Variants in FANCC observed in about 807,000 individuals in gnomAD.
FANCC encodes the protein Fanconi anemia group C protein.
A neutral mutation model predicts 71.3 loss-of-function variants in FANCC; 55 were observed. The observed-to-expected ratio is 0.77, with a 90% confidence interval of 0.62 to 0.97. The LOEUF (loss-of-function observed/expected upper bound fraction) is 0.97, where lower values mean the gene tolerates loss of function less well. FANCC is among the 50% of genes least tolerant of loss of function. The pLI, the probability that FANCC is intolerant of heterozygous loss-of-function variation, is 0.00. For missense variants in FANCC, 678 were observed against 670.9 expected (o/e 1.01, Z -0.12); for synonymous variants, 275 against 244.9 (o/e 1.12, Z -1.15).
intron 4 of FANCC, chr9:95,186,648 A>T (rs1826735553): frequency 6.6e-6 from 1 of 152,252 alleles, no homozygotes; most frequent in Non-Finnish European, 1.5e-5. Flanking sequence ...AATTCCACCT[A>T]TGTGAAAACA....
intron 1 of FANCC, among the ~76,000 whole-genome samples, chr9:95,286,623 T>C (rs1037728585): frequency 6.6e-5 from 10 of 152,130 alleles, no homozygotes; most frequent in Admixed American, 4.6e-4. Context: ...ATTCCAATAA[T>C]AATGTGAAAT....
At chr9:95,274,261 G>A (rs1036770726) in intron 1 of FANCC, among the ~76,000 whole-genome samples, 1 of 152,152 alleles carries the variant, frequency 6.6e-6, no homozygotes, top group Non-Finnish European at 1.5e-5. Flanking sequence ...ATTTACGAGT[G>A]AGAACATGTG....
chr9:95,311,709 CTGTGTGTGTGTGTGTG>C (rs56187288), intron 1 of FANCC, among the ~76,000 whole-genome samples: 2 of 144,592 alleles, frequency 1.4e-5, no homozygotes, highest in Admixed American at 7.0e-5. Context: ...TCCTCTGAAT[CTGTGTGTGTGTGTGTG>C]TGTGTGTGTG....
In FANCC at chr9:95,101,631, C is replaced by T. The variant is rs2071076994; in HGVS notation, c.*76G>A. On this transcript the variant is annotated 3_prime_UTR_variant, in exon 15 of 15. Coordinates refer to ENST00000289081, the MANE Select transcript of FANCC (RefSeq NM_000136.3). ...GGCACTTACTCCACAAATGCGTGGC[C>T]ACAGGTCATCACCTGTCCTGTGGCC... 2.5e-6 allele frequency: 4 copies of T among 1,586,842 alleles called. No homozygotes were observed. The highest frequency in any genetic ancestry group is 1.3e-5 in the African/African-American group (1 of 74,414).
intron 14 of FANCC, among the ~76,000 whole-genome samples, chr9:95,102,453 AAAG>A (rs1384124053): frequency 6.6e-6 from 1 of 152,218 alleles, no homozygotes; most frequent in African/African-American, 2.4e-5. Flanking sequence ...GGTTAAGAAA[AAAG>A]GGAAGGGTGA....
intron 1 of FANCC, chr9:95,292,384 C>G: frequency 9.7e-7 from 1 of 1,028,054 alleles, no homozygotes; most frequent in South Asian, 4.5e-5. Context: ...ACGGCTCTGG[C>G]GGCGGGTGCC....
chr9:95,242,268 A>G (rs374200862), intron 3 of FANCC, among the ~76,000 whole-genome samples: 2 of 152,114 alleles, frequency 1.3e-5, no homozygotes, highest in East Asian at 1.9e-4. Flanking sequence ...TTTAACCACT[A>G]AAGATTCTAG....
chr9:95,143,508 A>C (rs879262548), intron 7 of FANCC, among the ~76,000 whole-genome samples: 4 of 152,158 alleles, frequency 2.6e-5, no homozygotes, highest in African/African-American at 4.8e-5. Context: ...TGAATAATAA[A>C]AGATGCTCTT....
intron 4 of FANCC, among the ~76,000 whole-genome samples, chr9:95,237,612 TAATTTTAATTC>T (rs1312575099): frequency 6.1e-4 from 93 of 152,386 alleles, no homozygotes; most frequent in Admixed American, 5.7e-3. Flanking sequence ...ACTTTGTATT[TAATTTTAATTC>T]AATTTTAATT....
At chr9:95,171,473 A>G (rs1825672382) in intron 5 of FANCC, among the ~76,000 whole-genome samples, 1 of 152,004 alleles carries the variant, frequency 6.6e-6, no homozygotes, top group South Asian at 2.1e-4. Context: ...AAAAAAAAAA[A>G]GTTGTTATTG....
intron 1 of FANCC, among the ~76,000 whole-genome samples, chr9:95,267,760 T>A (rs1832465612): frequency 6.6e-6 from 1 of 152,010 alleles, no homozygotes; most frequent in Admixed American, 6.6e-5. Context: ...GGGTGCTTTT[T>A]AAAAAAGCTA....
chr9:95,256,285 T>G (rs1034371986), intron 1 of FANCC, among the ~76,000 whole-genome samples: 1 of 152,110 alleles, frequency 6.6e-6, no homozygotes. Flanking sequence ...TTAAGGGCAG[T>G]CAGAGAGAAA....
rs568403409 is a variant in FANCC at position 95,264,231 on chromosome 9, A to G, written c.-78-14862T>C. On this transcript the variant is annotated intron_variant, in intron 1 of 14. Coordinates refer to ENST00000289081, the MANE Select transcript of FANCC (RefSeq NM_000136.3). ...CATCTCAGGACCTAGTTTGCTGAGC[A>G]TATTTTGAAACCCACAAACTCACAC... is the stretch of plus-strand genomic sequence containing the variant. Among the ~76,000 whole-genome samples the G allele has an allele frequency of 6.6e-4, 101 of 152,346 alleles. No individual in the cohort carries two copies. The South Asian group carries it at 0.01, about 15-fold the overall frequency.
chr9:95,290,995 A>G (rs1368147695), intron 1 of FANCC, among the ~76,000 whole-genome samples: 1 of 152,234 alleles, frequency 6.6e-6, no homozygotes, highest in African/African-American at 2.4e-5. Flanking sequence ...TCATCTCAAT[A>G]GATGCAGAAA....
intron 4 of FANCC, among the ~76,000 whole-genome samples, chr9:95,229,159 G>T (rs2135980496): frequency 6.6e-6 from 1 of 152,242 alleles, no homozygotes; most frequent in Middle Eastern, 3.4e-3. Flanking sequence ...TTAGCTGGGT[G>T]TGGTGGCAGG....
At position 95,297,145 on chromosome 9, in the gene FANCC, A is replaced by C. The variant is rs149375844; in HGVS notation, c.-79+20381T>G. On this transcript the variant is annotated intron_variant, in intron 1 of 14. Coordinates refer to ENST00000289081, the MANE Select transcript of FANCC (RefSeq NM_000136.3). ...ACCATATGTGGGGGCTCACCAGGGG[A>C]ACAGCAGACTGAGGCAAGAGGGACT... is the stretch of plus-strand genomic sequence containing the variant. Among the ~76,000 whole-genome samples the C allele has an allele frequency of 6.5e-3, 992 of 152,292 alleles. 7 individuals are homozygous for C. Among genetic ancestry groups the C allele is most frequent in the African/African-American group, 0.021 (867 of 41,566 alleles).
At chr9:95,232,539 C>A (rs1830070331) in intron 4 of FANCC, among the ~76,000 whole-genome samples, 2 of 152,142 alleles carry the variant, frequency 1.3e-5, no homozygotes, top group Admixed American at 1.3e-4. Context: ...TTATTCATAA[C>A]ATCCTTGAAT....
chr9:95,192,287 C>T (rs1827162750), intron 4 of FANCC, among the ~76,000 whole-genome samples: 1 of 152,172 alleles, frequency 6.6e-6, no homozygotes, highest in African/African-American at 2.4e-5. Flanking sequence ...TAGTCACCTT[C>T]ACTTGTTCCC....
At chr9:95,273,889 A>T (rs1832882928) in intron 1 of FANCC, among the ~76,000 whole-genome samples, 1 of 152,170 alleles carries the variant, frequency 6.6e-6, no homozygotes, top group Non-Finnish European at 1.5e-5. Context: ...AGAGGAAATG[A>T]TTGGCATATG....
Sources: gnomAD v4.1 joint callset for allele counts (sites outside exome capture counted in the v4.1 genomes callset) on GRCh38, gnomAD v4.1.1 for gene constraint, MANE v1.5 for transcripts, NCBI Gene and HGNC (gene_info 2026-07-23, HGNC 2026-07-21) for gene names.